PHF14: variants seen among roughly 807,000 people sequenced by gnomAD.
PHF14 encodes the protein PHD finger protein 14.
PHF14 carries 55 observed loss-of-function variants against 117.9 expected under a neutral mutation model. The ratio of observed to expected loss-of-function variants is 0.47; its 90% CI spans 0.38 to 0.58. The LOEUF is 0.58. Ranked by LOEUF, PHF14 falls within the 20% of genes least tolerant of loss-of-function variation. PHF14 has a pLI of 0.00. For synonymous variants in PHF14, 409 were observed against 368.6 expected, an observed-to-expected ratio of 1.11 and a Z score of -1.26; for missense variants, 978 against 1,122.2, an observed-to-expected ratio of 0.87 and a Z score of 1.84.
intron 16 of PHF14, among the ~76,000 whole-genome samples, chr7:11,080,139 G>T (rs1041511729): frequency 6.6e-6 from 1 of 152,160 alleles, no homozygotes; most frequent in African/African-American, 2.4e-5. Flanking sequence ...ACCAAGTGTA[G>T]TTGGATAGAG....
chr7:11,098,312 A>G (rs1003993463), intron 16 of PHF14, among the ~76,000 whole-genome samples: 4 of 152,040 alleles, frequency 2.6e-5, no homozygotes, highest in African/African-American at 9.7e-5. Flanking sequence ...TCCCATTCCT[A>G]TGGCTTCCTT....
At chr7:11,056,071 C>CT (rs1286286822) in intron 14 of PHF14, among the ~76,000 whole-genome samples, 1 of 152,104 alleles carries the variant, frequency 6.6e-6, no homozygotes, top group African/African-American at 2.4e-5. Flanking sequence ...TATAAAACCT[C>CT]TATCTGTCAT....
At chr7:11,030,506 G>C (rs1784084089) in intron 7 of PHF14, among the ~76,000 whole-genome samples, 1 of 152,096 alleles carries the variant, frequency 6.6e-6, no homozygotes, top group African/African-American at 2.4e-5. Flanking sequence ...TGGGACAGTG[G>C]GGTGTAATGG....
rs112904471 is a variant in PHF14, at chr7:11,165,458, A to T, written c.2773-3958A>T. Among the ~76,000 whole-genome samples the T allele has an allele frequency of 3.9e-5, 6 of 152,308 alleles. No individual in the cohort carries two copies. In the South Asian group the frequency reaches 1.2e-3, roughly 32 times the overall value. ...CTCCATTATAAAGGTACTTACATCA[A>T]CATCTATAAAGATATAAAGAATAGG... On this transcript the variant is annotated intron_variant, in intron 17 of 17. Coordinates refer to ENST00000634607, the MANE Select transcript of PHF14 (RefSeq NM_001007157.2).
intron 4 of PHF14, among the ~76,000 whole-genome samples, chr7:11,009,035 CAAAAA>C (rs35700406): frequency 9.8e-6 from 1 of 101,534 alleles, no homozygotes; most frequent in African/African-American, 4.1e-5. Flanking sequence ...GACTCTGTCT[CAAAAA>C]AAAAAAAAAA....
intron 17 of PHF14, among the ~76,000 whole-genome samples, chr7:11,126,912 A>G (rs1451733277): frequency 3.9e-5 from 6 of 152,184 alleles, no homozygotes; most frequent in Non-Finnish European, 5.9e-5. Context: ...CAAGTGAGCT[A>G]TTTTTAACAG....
chr7:11,141,586 T>G (rs538512561), intron 17 of PHF14, among the ~76,000 whole-genome samples: 5 of 152,226 alleles, frequency 3.3e-5, no homozygotes, highest in Admixed American at 2.0e-4. Flanking sequence ...TTCCTGGCAT[T>G]GTGTTATATA....
intron 16 of PHF14, chr7:11,108,745 A>G (rs931968076): frequency 6.6e-6 from 1 of 151,790 alleles, no homozygotes; most frequent in Non-Finnish European, 1.5e-5. Flanking sequence ...GAACTGTGTT[A>G]GTGTAGCAAA....
intron 17 of PHF14, among the ~76,000 whole-genome samples, chr7:11,167,980 C>G (rs1033540191): frequency 6.7e-6 from 1 of 148,416 alleles, no homozygotes; most frequent in East Asian, 2.0e-4. Flanking sequence ...GAGCAGAGAT[C>G]GCGCCACTGC....
At chr7:11,053,034 T>G (rs1784895073) in intron 14 of PHF14, among the ~76,000 whole-genome samples, 1 of 152,142 alleles carries the variant, frequency 6.6e-6, no homozygotes, top group Non-Finnish European at 1.5e-5. Flanking sequence ...TTTCCTTGCT[T>G]GAGCTGAGGC....
chr7:11,106,045 AG>A, intron 16 of PHF14: 1 of 983,566 alleles, frequency 1.0e-6, no homozygotes, highest in Non-Finnish European at 1.2e-6. Flanking sequence ...GACATGTTTC[AG>A]GTATGGAAAT....
intron 16 of PHF14, among the ~76,000 whole-genome samples, chr7:11,094,655 G>A (rs1205317605): frequency 6.6e-6 from 1 of 152,162 alleles, no homozygotes; most frequent in Non-Finnish European, 1.5e-5. Flanking sequence ...GTGAATGAAG[G>A]TAACCGTCCC....
intron 4 of PHF14, among the ~76,000 whole-genome samples, chr7:11,004,903 G>A (rs1439106762): frequency 6.6e-6 from 1 of 151,988 alleles, no homozygotes; most frequent in African/African-American, 2.4e-5. Flanking sequence ...TGTAATCCCA[G>A]CTGGTTGGGA....
At chr7:11,149,248 C>T (rs979711549) in intron 17 of PHF14, among the ~76,000 whole-genome samples, 2 of 152,024 alleles carry the variant, frequency 1.3e-5, no homozygotes, top group African/African-American at 4.8e-5. Flanking sequence ...ATTTTTTTAA[C>T]ATGCTTGATT....
At chr7:11,168,591 T>C (rs190399455) in intron 17 of PHF14, among the ~76,000 whole-genome samples, 8 of 152,106 alleles carry the variant, frequency 5.3e-5, no homozygotes, top group Admixed American at 2.0e-4. Flanking sequence ...GTTTATGCTT[T>C]AATTAACTCA....
intron 7 of PHF14, among the ~76,000 whole-genome samples, chr7:11,029,811 A>G (rs1197904565): frequency 6.6e-6 from 1 of 152,116 alleles, no homozygotes; most frequent in Non-Finnish European, 1.5e-5. Flanking sequence ...TTTATTGCAC[A>G]TTCATGATGG....
chr7:11,105,292 T>G, intron 16 of PHF14: 1 of 949,632 alleles, frequency 1.1e-6, no homozygotes. Flanking sequence ...ATTTATGATG[T>G]TAAAAATAGA....
intron 16 of PHF14, chr7:11,105,101 A>G: frequency 1.0e-6 from 1 of 963,064 alleles, no homozygotes; most frequent in South Asian, 4.8e-5. Context: ...CAATAAACAT[A>G]GCCTGTGTTC....
intron 17 of PHF14, among the ~76,000 whole-genome samples, chr7:11,121,423 T>C (rs1456757225): frequency 6.6e-6 from 1 of 152,194 alleles, no homozygotes; most frequent in African/African-American, 2.4e-5. Flanking sequence ...TTCTTTTCTT[T>C]TAGAAAGGTA....
Sources: allele counts gnomAD v4.1 joint callset (sites outside exome capture counted in the v4.1 genomes callset), GRCh38; gene constraint gnomAD v4.1.1; transcripts MANE v1.5; gene names NCBI Gene and HGNC (gene_info 2026-07-23, HGNC 2026-07-21).